PANX1: variants seen among roughly 807,000 people sequenced by gnomAD.
PANX1 encodes the protein pannexin-1.
In PANX1, 30 loss-of-function variants were observed where a neutral mutation model predicts 38.7. The ratio of observed to expected loss-of-function variants is 0.78; its 90% CI spans 0.58 to 1.05. The LOEUF (loss-of-function observed/expected upper bound fraction) is 1.05. Among genes scored for constraint, PANX1 ranks in the 50% least tolerant of loss-of-function variants. The pLI, the probability that PANX1 is intolerant of heterozygous loss-of-function variation, is 0.00. For missense variants in PANX1, 551 were observed against 517.2 expected, an observed-to-expected ratio of 1.07 and a Z score of -0.63; for synonymous variants, 230 against 212.2, an observed-to-expected ratio of 1.08 and a Z score of -0.73.
intron 2 of PANX1, among the ~76,000 whole-genome samples, chr11:94,168,347 GC>G (rs910847225): frequency 4.6e-5 from 7 of 152,010 alleles, no homozygotes; most frequent in African/African-American, 1.7e-4. Flanking sequence ...TGGGCTAAAT[GC>G]TGGGGACAGC....
intron 1 of PANX1, among the ~76,000 whole-genome samples, chr11:94,142,746 A>T (rs182284550): frequency 2.6e-4 from 39 of 152,350 alleles, no homozygotes; most frequent in Admixed American, 1.1e-3. Context: ...GGTACCATGT[A>T]CATAATAGCC....
At chr11:94,136,932 C>T (rs892073306) in intron 1 of PANX1, among the ~76,000 whole-genome samples, 5 of 151,972 alleles carry the variant, frequency 3.3e-5, no homozygotes, top group Non-Finnish European at 7.4e-5. Context: ...CTGGGGAGGC[C>T]TCGGGAAACA....
chr11:94,164,881 A>G (rs929120342), intron 2 of PANX1, among the ~76,000 whole-genome samples: 3 of 152,178 alleles, frequency 2.0e-5, no homozygotes, highest in African/African-American at 7.2e-5. Context: ...TATATTTACA[A>G]TTGTTACACC....
At position 94,139,839 on chromosome 11, in the gene PANX1, CT is replaced by C. The variant is rs1416919168; in HGVS notation, c.181+10347del. 2.0e-5 allele frequency among the ~76,000 whole-genome samples: 3 copies of C among 152,226 alleles called. No homozygotes were observed. The East Asian group carries it at 5.8e-4, about 29-fold the overall frequency. Reference sequence around the variant, plus strand: ...CCCTTCTGAACCTCGCTCTGTGTATCTCTTTACCTGTCTGTTCATTTGTATC... The same window carrying C: ...CCCTTCTGAACCTCGCTCTGTGTATCCTTTACCTGTCTGTTCATTTGTATC... On this transcript the variant is annotated intron_variant, in intron 1 of 4. Coordinates refer to ENST00000227638, the MANE Select transcript of PANX1 (RefSeq NM_015368.4).
intron 2 of PANX1, chr11:94,175,932 C>T (rs1325903012): frequency 1.0e-6 from 1 of 981,242 alleles, no homozygotes; most frequent in African/African-American, 1.8e-5. Flanking sequence ...GTGCTTATTT[C>T]TGTCTTGCGT....
At chr11:94,145,037 C>T (rs1233758252) in intron 1 of PANX1, among the ~76,000 whole-genome samples, 5 of 152,100 alleles carry the variant, frequency 3.3e-5, no homozygotes, top group Non-Finnish European at 7.4e-5. Flanking sequence ...GAAATGATAT[C>T]AACATAATAT....
At chr11:94,175,116 A>G (rs1187861064) in intron 2 of PANX1, among the ~76,000 whole-genome samples, 1 of 151,792 alleles carries the variant, frequency 6.6e-6, no homozygotes, top group African/African-American at 2.4e-5. Context: ...AGCTGTTTCC[A>G]TCTGCAGATG....
intron 3 of PANX1, 65 bp downstream of exon 3, chr11:94,178,657 C>A: frequency 8.0e-7 from 1 of 1,254,066 alleles, no homozygotes; most frequent in Non-Finnish European, 1.2e-6. Flanking sequence ...CTTCTACTGC[C>A]AGTCTGGGCC....
chr11:94,132,118 A>G (rs1946637180), intron 1 of PANX1, among the ~76,000 whole-genome samples: 1 of 152,224 alleles, frequency 6.6e-6, no homozygotes, highest in Admixed American at 6.5e-5. Context: ...ACTACTCTAT[A>G]AACATTTGTT....
rs1404414083 is a variant in PANX1 at position 94,153,592 on chromosome 11, C to T, written c.283C>T (p.Gln95Ter). The change falls in exon 2 of 5, where the codon CAG becomes TAG. Residue 95 changes from glutamine to a stop codon, truncating the protein, a stop_gained. Coordinates refer to ENST00000227638, the MANE Select transcript of PANX1 (RefSeq NM_015368.4). LOFTEE classifies it high-confidence loss of function. ...GGCTGTTCAGCAGAAGAACTCACTGCAGAGCGAGTCTGGAAACCTCCCACT... is the reference window on the plus strand; with the variant it reads ...GGCTGTTCAGCAGAAGAACTCACTGTAGAGCGAGTCTGGAAACCTCCCACT... ...WAAVQQKNSL[Q>*]SESGNLPLWL... The T allele has an allele frequency of 1.9e-6, 3 of 1,613,810 alleles. No individual in the cohort carries two copies. The African/African-American group carries it at 4.0e-5, about 22-fold the overall frequency.
chr11:94,143,570 G>T (rs1393402558), intron 1 of PANX1, among the ~76,000 whole-genome samples: 1 of 152,054 alleles, frequency 6.6e-6, no homozygotes, highest in Admixed American at 6.5e-5. Context: ...TTACTAATAA[G>T]AAAACCTCAG....
intron 2 of PANX1, among the ~76,000 whole-genome samples, chr11:94,154,929 C>T (rs1565378078): frequency 1.3e-5 from 2 of 152,108 alleles, no homozygotes; most frequent in African/African-American, 4.8e-5. Context: ...TTTGTGCAAA[C>T]GTAATTGTGG....
chr11:94,140,950 A>G (rs1488477503), intron 1 of PANX1, among the ~76,000 whole-genome samples: 1 of 152,220 alleles, frequency 6.6e-6, no homozygotes, highest in Non-Finnish European at 1.5e-5. Flanking sequence ...TTCATTTCAT[A>G]GTAGATGACT....
chr11:94,147,767 A>G (rs780092435), intron 1 of PANX1, among the ~76,000 whole-genome samples: 8 of 152,156 alleles, frequency 5.3e-5, no homozygotes, highest in Admixed American at 4.6e-4. Context: ...GGTACAGACT[A>G]TTAATTCTTC....
In PANX1 at chr11:94,180,228, A is replaced by G. The variant is rs1032546321; in HGVS notation, c.1172A>G (p.Glu391Gly). The change falls in exon 4 of 5, where the codon GAG becomes GGG. Residue 391 changes from glutamate to glycine, a missense_variant. By Grantham distance (98) the Glu-to-Gly change is moderately conservative. Coordinates refer to ENST00000227638, the MANE Select transcript of PANX1 (RefSeq NM_015368.4). ...CCCATGTCTGCAGAGATGAGAGAGG[A>G]GCAGGGGAACCAGACGGCAGAGCTC... ...KTPMSAEMRE[E>G]QGNQTAELQG... The G allele has an allele frequency of 6.2e-7, 1 of 1,608,780 alleles. No individual in the cohort carries two copies. The highest frequency in any genetic ancestry group is 1.3e-5 in the African/African-American group (1 of 74,822).
In PANX1 at chr11:94,162,863, C is replaced by G. The variant is rs193215424; in HGVS notation, c.321+9233C>G. The stretch of plus-strand genomic sequence containing the variant: ...TCCTATTCGGCCATCTTGGCTCCAC[C>G]AACCTCTCTTTTTTTTTTTTTTTTT... On this transcript the variant is annotated intron_variant, in intron 2 of 4. Transcript: ENST00000227638. Among the ~76,000 whole-genome samples the G allele has an allele frequency of 1.3e-3, 175 of 134,736 alleles. 1 individual carries two copies. The highest frequency in any genetic ancestry group is 5.1e-3 in the African/African-American group (168 of 33,172). The allele number at this position is 134,736 out of a possible 152,430, so 88.4% of individuals were successfully genotyped here.
rs181021312 is a variant in PANX1 at position 94,155,711 on chromosome 11, G to A, written c.321+2081G>A. ...CAGGAGCGGTAGAGGCAGAAGAAAA[G>A]CCCCATAAAAGTGGGCCCATGTAGT... On this transcript the variant is annotated intron_variant, in intron 2 of 4. Transcript: ENST00000227638. Among the ~76,000 whole-genome samples, 584 of 152,236 alleles carry A rather than the reference G, an allele frequency of 3.8e-3. 1 individual carries two copies. Among genetic ancestry groups the A allele is most frequent in the Non-Finnish European group, 6.7e-3 (459 of 68,004 alleles).
intron 1 of PANX1, among the ~76,000 whole-genome samples, chr11:94,130,630 G>A (rs1946619088): frequency 6.6e-6 from 1 of 152,170 alleles, no homozygotes; most frequent in African/African-American, 2.4e-5. Flanking sequence ...GCAAGGCATC[G>A]GCTGAGGTCT....
At chr11:94,138,569 G>A (rs867366340) in intron 1 of PANX1, among the ~76,000 whole-genome samples, 1 of 152,074 alleles carries the variant, frequency 6.6e-6, no homozygotes, top group Non-Finnish European at 1.5e-5. Context: ...GAGATATTTT[G>A]ACACAGGCAT....
Sources: allele counts gnomAD v4.1 joint callset (sites outside exome capture counted in the v4.1 genomes callset), GRCh38; gene constraint gnomAD v4.1.1; transcripts MANE v1.5; gene names NCBI Gene and HGNC (gene_info 2026-07-23, HGNC 2026-07-21).